Variants in MLLT10 observed in about 807,000 individuals in gnomAD.
MLLT10 encodes protein AF-10.
Under a neutral mutation model 129.1 loss-of-function variants are expected in MLLT10, and 30 were observed. That is an observed-to-expected ratio of 0.23 (90% CI 0.17 to 0.32). The LOEUF (loss-of-function observed/expected upper bound fraction) is 0.32. MLLT10 is among the 10% of genes least tolerant of loss of function. MLLT10 has a pLI of 1.00. For missense variants in MLLT10, 1,119 were observed against 1,268.3 expected (o/e 0.88, Z 1.79); for synonymous variants, 490 against 446.4 (o/e 1.10, Z -1.23).
At chr10:21,646,856 T>A (rs959095411) in intron 8 of MLLT10, among the ~76,000 whole-genome samples, 1 of 150,708 alleles carries the variant, frequency 6.6e-6, no homozygotes, top group Non-Finnish European at 1.5e-5. Flanking sequence ...CTATTCCCTT[T>A]TTTTTTTTTT....
intron 3 of MLLT10, among the ~76,000 whole-genome samples, chr10:21,561,106 A>G (rs921789880): frequency 1.3e-5 from 2 of 152,106 alleles, no homozygotes; most frequent in African/African-American, 4.8e-5. Flanking sequence ...ATTGTGGTGA[A>G]GTCCAATTTA....
rs180927228 is a variant in MLLT10, at chr10:21,618,524, T to G, written c.699+1317T>G. On this transcript the variant is annotated intron_variant, in intron 8 of 22. Transcript: ENST00000307729. ...TTGTCTCAAAAGAAAAAAAAAATTTTTGGTTTGAGTTAGTGCTTTTTCAAG... is the reference window on the plus strand; with the variant it reads ...TTGTCTCAAAAGAAAAAAAAAATTTGTGGTTTGAGTTAGTGCTTTTTCAAG... 2.2e-3 allele frequency among the ~76,000 whole-genome samples: 335 copies of G among 152,132 alleles called. 3 individuals are homozygous for G. The highest frequency in any genetic ancestry group is 7.7e-3 in the African/African-American group (321 of 41,528).
chr10:21,723,163 A>G lies in MLLT10; in HGVS notation c.1879-3081A>G, dbSNP rs569110354. ...CTTTAGCATACGCTAAAGATACTTT[A>G]TCTTTTTTTGATGATCATCATTATG... On this transcript the variant is annotated intron_variant, in intron 14 of 22. Transcript: ENST00000307729. Among the ~76,000 whole-genome samples, 5 of 152,154 alleles carry G rather than the reference A, an allele frequency of 3.3e-5. No homozygotes were observed. The South Asian group carries it at 1.0e-3, about 32-fold the overall frequency.
At chr10:21,712,486 T>C (rs1001260291) in intron 13 of MLLT10, among the ~76,000 whole-genome samples, 4 of 152,256 alleles carry the variant, frequency 2.6e-5, no homozygotes, top group Admixed American at 2.6e-4. Flanking sequence ...TGATTATTGT[T>C]GTCCTCTAGG....
At chr10:21,557,299 A>G (rs2038161697) in intron 3 of MLLT10, 1 of 535,468 alleles carries the variant, frequency 1.9e-6, no homozygotes, top group African/African-American at 2.0e-5. Flanking sequence ...CATCATGGAC[A>G]CTGTCCATTT....
At position 21,743,135 on chromosome 10, in the gene MLLT10, C is replaced by T. The variant is rs1833886050; in HGVS notation, c.*1152C>T. ...TGTGACAGTACCGCAGAGTGATTCC[C>T]CCACTGAGGATGTCATCATCAAACT... On this transcript the variant is annotated 3_prime_UTR_variant, in exon 23 of 23. Transcript: ENST00000307729. 4.3e-6 allele frequency: 1 copy of T among 230,500 alleles called. No individual in the cohort carries two copies. Among genetic ancestry groups the T allele is most frequent in the Non-Finnish European group, 8.6e-6 (1 of 116,198 alleles). The allele number at this position is 230,500 out of a possible 1,614,324, so 14.3% of individuals were successfully genotyped here.
At chr10:21,614,769 C>T (rs2045060254) in intron 6 of MLLT10, 62 bp from the exon 7 acceptor site, 2 of 1,279,162 alleles carry the variant, frequency 1.6e-6, no homozygotes, top group East Asian at 2.4e-5. Context: ...ATTTTATTTG[C>T]TTATATATAC....
At chr10:21,643,412 G>T (rs2048202217) in intron 8 of MLLT10, among the ~76,000 whole-genome samples, 1 of 152,166 alleles carries the variant, frequency 6.6e-6, no homozygotes, top group Admixed American at 6.5e-5. Context: ...TCATAGTTGT[G>T]TAGGCATTTG....
At chr10:21,618,099 A>G (rs927007000) in intron 8 of MLLT10, among the ~76,000 whole-genome samples, 3 of 152,222 alleles carry the variant, frequency 2.0e-5, no homozygotes, top group Non-Finnish European at 4.4e-5. Context: ...TTTTTCTTAC[A>G]AAGTTGGTAT....
intron 8 of MLLT10, chr10:21,624,918 C>G: frequency 1.5e-6 from 2 of 1,313,240 alleles, no homozygotes; most frequent in Non-Finnish European, 2.1e-6. Context: ...ATAGCCAGCT[C>G]TACCTCTTGG....
At chr10:21,591,267 C>T (rs150037342) in intron 4 of MLLT10, among the ~76,000 whole-genome samples, 1 of 152,292 alleles carries the variant, frequency 6.6e-6, no homozygotes, top group Non-Finnish European at 1.5e-5. Flanking sequence ...CCATGTTGCC[C>T]AGGCTGGTCT....
chr10:21,707,095 CTCA>C (rs1469342550), intron 13 of MLLT10, among the ~76,000 whole-genome samples: 1 of 151,982 alleles, frequency 6.6e-6, no homozygotes, highest in Non-Finnish European at 1.5e-5. Context: ...TTTTTACCAT[CTCA>C]GTAAGGGCAC....
At chr10:21,551,706 T>C (rs753059716) in intron 3 of MLLT10, 5 of 330,190 alleles carry the variant, frequency 1.5e-5, no homozygotes, top group African/African-American at 2.3e-5. Flanking sequence ...TGTACTTTGA[T>C]AAATTGCCTA....
At chr10:21,590,465 A>G (rs2042390390) in intron 4 of MLLT10, among the ~76,000 whole-genome samples, 6 of 152,120 alleles carry the variant, frequency 3.9e-5, no homozygotes, top group Admixed American at 3.9e-4. Context: ...CAGCCTCCCA[A>G]GTAGCTGGGA....
At chr10:21,739,884 A>G (rs2058689027) in intron 21 of MLLT10, 146 bp from the exon 22 acceptor site, 7 of 658,548 alleles carry the variant, frequency 1.1e-5, no homozygotes, top group South Asian at 9.9e-5. Flanking sequence ...GTTATTATCT[A>G]GTGCAGCATA....
chr10:21,680,787 C>T (rs1281442149), intron 11 of MLLT10, among the ~76,000 whole-genome samples: 1 of 151,992 alleles, frequency 6.6e-6, no homozygotes, highest in African/African-American at 2.4e-5. Flanking sequence ...ACCTGGCCAA[C>T]ATGGTGAAAC....
chr10:21,717,867 CCTCCTCCTTCTCCTCCTCCTT>C (rs2056839491), intron 14 of MLLT10, among the ~76,000 whole-genome samples: 1 of 138,636 alleles, frequency 7.2e-6, no homozygotes. Flanking sequence ...TCCTCCTTCT[CCTCCTCCTTCTCCTCCTCCTT>C]CTCCTCCTCC....
intron 21 of MLLT10, among the ~76,000 whole-genome samples, chr10:21,735,515 A>T (rs2131584631): frequency 6.6e-6 from 1 of 152,196 alleles, no homozygotes; most frequent in South Asian, 2.1e-4. Context: ...TTGATACGGG[A>T]GATGGATGGA....
At chr10:21,625,388 G>T (rs1334233416) in intron 8 of MLLT10, 1 of 796,884 alleles carries the variant, frequency 1.3e-6, no homozygotes, top group Admixed American at 1.9e-5. Flanking sequence ...TTCAGAAAAT[G>T]ACTTTTCCAA....
Sources: allele counts gnomAD v4.1 joint callset (sites outside exome capture counted in the v4.1 genomes callset), GRCh38; gene constraint gnomAD v4.1.1; transcripts MANE v1.5; gene names NCBI Gene and HGNC (gene_info 2026-07-23, HGNC 2026-07-21).